EMILIN2: variants seen among roughly 807,000 people sequenced by gnomAD.
EMILIN2 encodes the protein EMILIN-2.
A neutral mutation model predicts 87.1 loss-of-function variants in EMILIN2; 71 were observed. That is an observed-to-expected ratio of 0.82 (90% confidence interval 0.67 to 0.99). The LOEUF (loss-of-function observed/expected upper bound fraction) is 0.99. EMILIN2 is among the 50% of genes least tolerant of loss of function. The pLI is 0.00. For synonymous variants in EMILIN2, 581 were observed against 563.4 expected (o/e 1.03, Z -0.44); for missense variants, 1,407 against 1,371.8 (o/e 1.03, Z -0.40).
chr18:2,884,442 C>T (rs1373776932), intron 2 of EMILIN2, among the ~76,000 whole-genome samples: 1 of 152,144 alleles, frequency 6.6e-6, no homozygotes, highest in Non-Finnish European at 1.5e-5. Flanking sequence ...GACTAGATTT[C>T]ACCATGTTAG....
rs577471446 is a variant in EMILIN2, at chr18:2,849,549, G to A, written c.257+1618G>A. On this transcript the variant is annotated intron_variant, in intron 2 of 7. Coordinates refer to ENST00000254528, the MANE Select transcript of EMILIN2 (RefSeq NM_032048.3). ...CTTGGCTGTCAGTGGGGAGTGAATC[G>A]CCTCCAGATTGGCAGGTCAATGCAA... Among the ~76,000 whole-genome samples, 5 of 152,272 alleles carry A rather than the reference G, an allele frequency of 3.3e-5. No homozygotes were observed. The South Asian group carries it at 6.2e-4, about 19-fold the overall frequency.
chr18:2,910,263 A>G (rs2076934511), intron 7 of EMILIN2, among the ~76,000 whole-genome samples: 1 of 152,122 alleles, frequency 6.6e-6, no homozygotes, highest in African/African-American at 2.4e-5. Flanking sequence ...TTTATGATGA[A>G]CAGAGCCACA....
rs1187796999 is a variant in EMILIN2, at chr18:2,908,945, T to C, written c.2665T>C (p.Tyr889His). The change falls in exon 6 of 8, where the codon TAC (tyrosine) becomes CAC (histidine). Residue 889 changes from tyrosine to histidine, a missense_variant and splice_region_variant. By Grantham distance (83) the Tyr-to-His change is moderately conservative. Coordinates refer to ENST00000254528, the MANE Select transcript of EMILIN2 (RefSeq NM_032048.3). The part of the protein sequence containing the change: ...GAEGFAGAPG[Y>H]PKSPPVASPG... Reference sequence around the variant, plus strand: ...GCCATTTCCTTTCTGTTTTTCAGGATACCCGAAGTCACCTCCTGTAGCTTC... The same window carrying C: ...GCCATTTCCTTTCTGTTTTTCAGGACACCCGAAGTCACCTCCTGTAGCTTC... 1.2e-6 allele frequency: 2 copies of C among 1,613,676 alleles called. No individual in the cohort carries two copies. Among genetic ancestry groups the C allele is most frequent in the Non-Finnish European group, 8.5e-7 (1 of 1,180,024 alleles).
chr18:2,885,251 C>T (rs945286593), intron 3 of EMILIN2, 112 bp downstream of exon 3: 2 of 1,193,870 alleles, frequency 1.7e-6, no homozygotes, highest in Non-Finnish European at 2.3e-6. Context: ...CTTCGAATAA[C>T]ACACATAGAT....
At position 2,847,435 on chromosome 18, in the gene EMILIN2, G is replaced by T. The variant is rs532963969; in HGVS notation, c.134+113G>T. 1.7e-6 allele frequency: 2 copies of T among 1,146,442 alleles called. No homozygotes were observed. Among genetic ancestry groups the T allele is most frequent in the Non-Finnish European group, 2.2e-6 (2 of 909,902 alleles). The allele number at this position is 1,146,442 out of a possible 1,614,324, so 71.0% of individuals were successfully genotyped here. ...GAGCGGCAGCCGGGGGCCTCCCTTG[G>T]ACTTCCCCGGGCGGCTCCCTCTGCG... On this transcript the variant is annotated intron_variant, in intron 1 of 7. Transcript: ENST00000254528. The surrounding 1 kb of genome is among the most constrained non-coding windows in gnomAD (Gnocchi z 4.5).
intron 7 of EMILIN2, among the ~76,000 whole-genome samples, chr18:2,912,537 C>A (rs1035755653): frequency 2.0e-5 from 3 of 152,196 alleles, no homozygotes; most frequent in Non-Finnish European, 2.9e-5. Flanking sequence ...ATGTACAGAT[C>A]TTTCCACCTT....
chr18:2,904,706 T>TA (rs2076901880), intron 4 of EMILIN2, among the ~76,000 whole-genome samples: 1 of 152,218 alleles, frequency 6.6e-6, no homozygotes, highest in Non-Finnish European at 1.5e-5. Flanking sequence ...TCTGTCTCTT[T>TA]AGAGTTCCTT....
At chr18:2,909,105 C>A in intron 6 of EMILIN2, 130 bp downstream of exon 6, 1 of 1,159,740 alleles carries the variant, frequency 8.6e-7, no homozygotes, top group Non-Finnish European at 1.3e-6. Context: ...CCTTCCCCAC[C>A]CACCAGCACT....
Position 2,913,639 on chromosome 18 carries a change from TGGAAG to T in EMILIN2, c.*236_*240del. The T allele has an allele frequency of 2.1e-6, 1 of 483,970 alleles. No individual in the cohort carries two copies. Among genetic ancestry groups the T allele is most frequent in the South Asian group, 2.7e-5 (1 of 36,448 alleles). The allele number at this position is 483,970 out of a possible 1,614,324, so 30.0% of individuals were successfully genotyped here. On this transcript the variant is annotated 3_prime_UTR_variant, in exon 8 of 8. Transcript: ENST00000254528. ...TTTTCTGCCACTCTAACTGGACAAC[TGGAAG>T]ACTTGGAAAGGCCTCCACCTGTATC...
Position 2,896,056 on chromosome 18 carries a change from G to C in EMILIN2, c.2359+3570G>C, listed in dbSNP as rs549292362. On this transcript the variant is annotated intron_variant, in intron 4 of 7. Coordinates refer to ENST00000254528, the MANE Select transcript of EMILIN2 (RefSeq NM_032048.3). ...GAATTATCCAAGAAGCAGCCAACAG[G>C]GGAGAAGAAGGGCCTTCAGCTGATG... is the stretch of plus-strand genomic sequence containing the variant. Among the ~76,000 whole-genome samples, 253 of 152,174 alleles carry C rather than the reference G, an allele frequency of 1.7e-3. 1 individual carries two copies. The highest frequency in any genetic ancestry group is 6.8e-3 in the Middle Eastern group (2 of 292).
At chr18:2,866,176 C>T (rs978997866) in intron 2 of EMILIN2, among the ~76,000 whole-genome samples, 5 of 152,214 alleles carry the variant, frequency 3.3e-5, no homozygotes, top group African/African-American at 1.2e-4. Flanking sequence ...CAATGCCTCG[C>T]CCTGCTTCGG....
chr18:2,872,613 T>A (rs1431974963), intron 2 of EMILIN2, among the ~76,000 whole-genome samples: 3 of 152,200 alleles, frequency 2.0e-5, no homozygotes, highest in Non-Finnish European at 4.4e-5. Context: ...ACCAAAGTAA[T>A]GATGTAAATT....
intron 4 of EMILIN2, among the ~76,000 whole-genome samples, chr18:2,893,237 G>T (rs964565614): frequency 6.6e-6 from 1 of 152,174 alleles, no homozygotes; most frequent in Non-Finnish European, 1.5e-5. Flanking sequence ...TGGCATAACA[G>T]CTTGGGGCAG....
intron 2 of EMILIN2, among the ~76,000 whole-genome samples, chr18:2,875,924 A>G (rs1280398307): frequency 1.3e-5 from 2 of 151,408 alleles, no homozygotes; most frequent in Non-Finnish European, 2.9e-5. Flanking sequence ...GAAAACTTCT[A>G]TTCATTACCC....
Position 2,909,832 on chromosome 18 carries a change from A to C in EMILIN2, c.2824+13A>C, listed in dbSNP as rs768732948. On this transcript the variant is annotated intron_variant, in intron 7 of 7. Coordinates refer to ENST00000254528, the MANE Select transcript of EMILIN2 (RefSeq NM_032048.3). ...AACCCCAGCACCGGTGAGTGTTTGA[A>C]CGGAACTGGTACTGTGTCCTCCTCC... 6.2e-7 allele frequency: 1 copy of C among 1,612,944 alleles called. No homozygotes were observed. Among genetic ancestry groups the C allele is most frequent in the South Asian group, 1.1e-5 (1 of 90,950 alleles).
chr18:2,891,918 C>G lies in EMILIN2; in HGVS notation c.1791C>G (p.Thr597=), dbSNP rs199596777. 1.9e-6 allele frequency: 3 copies of G among 1,614,174 alleles called. No homozygotes were observed. Among genetic ancestry groups the G allele is most frequent in the Non-Finnish European group, 2.5e-6 (3 of 1,180,038 alleles). Residue 597 remains threonine (T), a synonymous_variant, in exon 4 of 8, where the codon ACC becomes ACG. Transcript: ENST00000254528. This position sits in a 1 kb window ranked among gnomAD's most constrained non-coding sequence, Gnocchi z 4.6. ...NDTMHRKFQE[T]EQTIQKLQQD... is the part of the protein sequence containing the mutation. ...CGATGCACAGGAAGTTTCAAGAAAC[C>G]GAACAAACCATCCAGAAACTTCAAC...
chr18:2,888,020 A>G (rs1449838648), intron 3 of EMILIN2, among the ~76,000 whole-genome samples: 3 of 152,168 alleles, frequency 2.0e-5, no homozygotes, highest in Non-Finnish European at 4.4e-5. Context: ...ATGTCATGAA[A>G]TATTCTACAA....
chr18:2,877,174 G>A (rs2076753170), intron 2 of EMILIN2, among the ~76,000 whole-genome samples: 1 of 152,154 alleles, frequency 6.6e-6, no homozygotes, highest in Non-Finnish European at 1.5e-5. Flanking sequence ...TGCAGAGATT[G>A]GCTTTATAGA....
chr18:2,868,579 C>T (rs1162493703), intron 2 of EMILIN2, among the ~76,000 whole-genome samples: 2 of 152,246 alleles, frequency 1.3e-5, no homozygotes, highest in African/African-American at 2.4e-5. Context: ...GGATCACTCG[C>T]GGTTAGGAGC....
Sources: gnomAD v4.1 joint callset for allele counts (sites outside exome capture counted in the v4.1 genomes callset) on GRCh38, gnomAD v4.1.1 for gene constraint, Gnocchi (gnomAD v3.1) non-coding constraint, MANE v1.5 for transcripts, NCBI Gene and HGNC (gene_info 2026-07-23, HGNC 2026-07-21) for gene names.